PTPRN2: variants seen among roughly 807,000 people sequenced by gnomAD.
PTPRN2 encodes the protein receptor-type tyrosine-protein phosphatase N2.
Under a neutral mutation model 118.8 loss-of-function variants are expected in PTPRN2, and 74 were observed. The ratio of observed to expected loss-of-function variants is 0.62; its 90% CI spans 0.52 to 0.76. PTPRN2 has a LOEUF of 0.76. PTPRN2 is among the 30% of genes least tolerant of loss of function. The pLI is 0.00. For synonymous variants in PTPRN2, 641 were observed against 608.0 expected (o/e 1.05, Z -0.80); for missense variants, 1,481 against 1,394.4 (o/e 1.06, Z -0.99).
intron 3 of PTPRN2, among the ~76,000 whole-genome samples, chr7:158,224,933 G>A (rs1828639694): frequency 6.6e-6 from 1 of 152,026 alleles, no homozygotes; most frequent in African/African-American, 2.4e-5. Flanking sequence ...TCGACAAAGA[G>A]GATCTACTGA....
intron 12 of PTPRN2, among the ~76,000 whole-genome samples, chr7:157,792,130 G>A (rs1393637728): frequency 6.6e-6 from 1 of 152,220 alleles, no homozygotes; most frequent in African/African-American, 2.4e-5. Context: ...CCCCGTTCAT[G>A]CCGCTCAATC....
At chr7:158,081,080 T>C (rs1812782725) in intron 11 of PTPRN2, among the ~76,000 whole-genome samples, 1 of 152,190 alleles carries the variant, frequency 6.6e-6, no homozygotes, top group Non-Finnish European at 1.5e-5. Context: ...CACAGTGAAA[T>C]CCCAGATGGT....
Position 157,964,284 on chromosome 7 carries a change from G to A in PTPRN2, c.1724-65547C>T, listed in dbSNP as rs191700610. Among the ~76,000 whole-genome samples the A allele has an allele frequency of 4.8e-3, 724 of 152,238 alleles. 4 individuals are homozygous for A. The highest frequency in any genetic ancestry group is 0.034 in the Middle Eastern group (10 of 294). On this transcript the variant is annotated intron_variant, in intron 11 of 22. Transcript: ENST00000389418. The surrounding 1 kb of genome is among the most constrained non-coding windows in gnomAD (Gnocchi z 9.0). ...GGCCAGACTGGGGTCCGCCCCACACGCACAGAGGATCACTGGGGGCGATGT... is the reference window on the plus strand; with the variant it reads ...GGCCAGACTGGGGTCCGCCCCACACACACAGAGGATCACTGGGGGCGATGT...
chr7:158,273,082 GAAGAC>G (rs1015266556), intron 3 of PTPRN2, among the ~76,000 whole-genome samples: 2 of 152,176 alleles, frequency 1.3e-5, no homozygotes, highest in African/African-American at 4.8e-5. Flanking sequence ...CAGCCACAAG[GAAGAC>G]AAGACCCAGG....
chr7:157,827,101 T>C (rs1357665666), intron 12 of PTPRN2, among the ~76,000 whole-genome samples: 3 of 152,232 alleles, frequency 2.0e-5, no homozygotes, highest in East Asian at 1.9e-4. Context: ...GAAGTTACTA[T>C]ATTTTCTAAC....
chr7:157,894,271 C>T (rs575111819), intron 12 of PTPRN2, among the ~76,000 whole-genome samples: 55 of 152,294 alleles, frequency 3.6e-4, no homozygotes, highest in Non-Finnish European at 4.3e-4. Context: ...CAAAACCGGG[C>T]GTGACTGGGA....
At chr7:157,878,988 A>C (rs959817863) in intron 12 of PTPRN2, among the ~76,000 whole-genome samples, 2 of 131,172 alleles carry the variant, frequency 1.5e-5, no homozygotes, top group Non-Finnish European at 3.1e-5. Flanking sequence ...CTCACTGAGG[A>C]GCTCTCTCAG....
At chr7:157,592,303 C>CAGGA (rs1431248387) in intron 17 of PTPRN2, among the ~76,000 whole-genome samples, 2 of 152,224 alleles carry the variant, frequency 1.3e-5, no homozygotes, top group East Asian at 3.8e-4. Flanking sequence ...ATTCACTAGC[C>CAGGA]ACAGGAATCT....
intron 11 of PTPRN2, among the ~76,000 whole-genome samples, chr7:157,979,753 G>A (rs148320467): frequency 2.0e-5 from 3 of 152,328 alleles, no homozygotes; most frequent in East Asian, 3.9e-4. Flanking sequence ...GTCCTTGGAG[G>A]TATGGGCTGG....
rs1442361024 is a variant in PTPRN2 at position 157,893,809 on chromosome 7, A to G, written c.1788+4864T>C. ...CCCAGGTGAGTTCCCCACAGGAGAC[A>G]GCACCGGCAGAAAGGAGGAGGGAGC... On this transcript the variant is annotated intron_variant, in intron 12 of 22. Coordinates refer to ENST00000389418, the MANE Select transcript of PTPRN2 (RefSeq NM_002847.5). This position sits in a 1 kb window ranked among gnomAD's most constrained non-coding sequence, Gnocchi z 4.0. 6.6e-6 allele frequency among the ~76,000 whole-genome samples: 1 copy of G among 152,234 alleles called. No homozygotes were observed. Among genetic ancestry groups the G allele is most frequent in the Non-Finnish European group, 1.5e-5 (1 of 68,044 alleles).
chr7:158,465,543 C>A (rs1404914201), intron 2 of PTPRN2, among the ~76,000 whole-genome samples: 1 of 152,174 alleles, frequency 6.6e-6, no homozygotes, highest in Non-Finnish European at 1.5e-5. Context: ...ATTTTATTTG[C>A]AGTATCACAT....
At chr7:158,060,695 G>A (rs1810263088) in intron 11 of PTPRN2, among the ~76,000 whole-genome samples, 1 of 152,198 alleles carries the variant, frequency 6.6e-6, no homozygotes, top group Non-Finnish European at 1.5e-5. Context: ...ACCCAGAAAT[G>A]GTTGACAGAG....
chr7:157,898,658 C>A lies in PTPRN2; in HGVS notation c.1788+15G>T, dbSNP rs966124390. On this transcript the variant is annotated intron_variant, in intron 12 of 22. Transcript: ENST00000389418. ...TGCAGATCGCAGAGCAGACGGCACCCCTTCTGTTACTCACCGACCCGACTC... is the reference window on the plus strand; with the variant it reads ...TGCAGATCGCAGAGCAGACGGCACCACTTCTGTTACTCACCGACCCGACTC... 6.4e-7 allele frequency: 1 copy of A among 1,569,778 alleles called. No individual in the cohort carries two copies. Among genetic ancestry groups the A allele is most frequent in the Non-Finnish European group, 8.8e-7 (1 of 1,139,680 alleles).
intron 2 of PTPRN2, among the ~76,000 whole-genome samples, chr7:158,387,674 T>A (rs985152461): frequency 9.0e-5 from 6 of 66,762 alleles, no homozygotes; most frequent in African/African-American, 3.0e-4. Flanking sequence ...CTGAATCTGC[T>A]GACTTAAAGG....
intron 7 of PTPRN2, 137 bp downstream of exon 7, chr7:158,138,157 A>G (rs1164460381): frequency 1.3e-6 from 1 of 772,574 alleles, no homozygotes; most frequent in African/African-American, 1.8e-5. Flanking sequence ...AAACAGATAA[A>G]AATCATTAAT....
At chr7:157,981,334 C>T (rs1334695570) in intron 11 of PTPRN2, among the ~76,000 whole-genome samples, 1 of 123,930 alleles carries the variant, frequency 8.1e-6, no homozygotes, top group Non-Finnish European at 1.7e-5. Context: ...GCTCAAACTC[C>T]TGCTATTCCA....
intron 1 of PTPRN2, among the ~76,000 whole-genome samples, chr7:158,540,378 T>C (rs1825913330): frequency 6.6e-6 from 1 of 152,054 alleles, no homozygotes; most frequent in Non-Finnish European, 1.5e-5. Context: ...CTAAGGTTCC[T>C]GGGGCTGCAC....
chr7:157,569,086 C>T (rs920397857), intron 20 of PTPRN2, 120 bp from the exon 21 acceptor site: 8 of 980,388 alleles, frequency 8.2e-6, no homozygotes, highest in Admixed American at 1.9e-5. Flanking sequence ...GAAAGGATGG[C>T]GGATGTGAGA....
intron 11 of PTPRN2, among the ~76,000 whole-genome samples, chr7:157,985,428 TCAGA>T (rs530404352): frequency 7.2e-5 from 11 of 152,290 alleles, no homozygotes; most frequent in Admixed American, 6.5e-4. Flanking sequence ...AAAACAGCCG[TCAGA>T]CAGTCATCCT....
Sources: gnomAD v4.1 joint callset for allele counts (sites outside exome capture counted in the v4.1 genomes callset) on GRCh38, gnomAD v4.1.1 for gene constraint, Gnocchi (gnomAD v3.1) non-coding constraint, MANE v1.5 for transcripts, NCBI Gene and HGNC (gene_info 2026-07-23, HGNC 2026-07-21) for gene names.